LRTM1: variants seen among roughly 807,000 people sequenced by gnomAD.
The protein encoded by LRTM1 is leucine rich repeat transmembrane protein 1.
In LRTM1, 38 loss-of-function variants were observed where a neutral mutation model predicts 32.4. The observed-to-expected ratio is 1.17, with a 90% CI of 0.91 to 1.54. LRTM1 has a LOEUF of 1.54. LRTM1 is among the 40% of genes most tolerant of loss of function. The pLI, the probability that LRTM1 is intolerant of heterozygous loss-of-function variation, is 0.00. For missense variants in LRTM1, 466 were observed against 415.4 expected (o/e 1.12, Z -1.06); for synonymous variants, 186 against 169.9 (o/e 1.09, Z -0.74).
chr3:54,945,772 A>G (rs1701596932), intron 1 of LRTM1, among the ~76,000 whole-genome samples: 1 of 152,142 alleles, frequency 6.6e-6, no homozygotes, highest in Non-Finnish European at 1.5e-5. Context: ...GTCCTGGGCC[A>G]TTGTATGTTG....
Position 54,918,680 on chromosome 3 carries a change from G to A in LRTM1, c.817C>T (p.Leu273Phe), listed in dbSNP as rs970989074. Residue 273 changes from leucine (L) to phenylalanine (F), a missense_variant, in exon 3 of 3, where the codon CTC becomes TTC. Leu to Phe is a conservative substitution (Grantham distance 22, BLOSUM62 0). Transcript: ENST00000273286. ...AGERELLECELKPKPRPANLR... is the reference protein window; with the variant it reads ...AGERELLECEFKPKPRPANLR... ...TTGGCCGGCCTTGGCTTGGGTTTGA[G>A]CTCGCACTCCAAGAGTTCTCGCTCC... is the stretch of plus-strand genomic sequence containing the variant. 6.2e-7 allele frequency: 1 copy of A among 1,614,186 alleles called. No individual in the cohort carries two copies. Among genetic ancestry groups the A allele is most frequent in the Non-Finnish European group, 8.5e-7 (1 of 1,180,042 alleles).
At chr3:54,930,138 A>G (rs943753163), upstream of LRTM1, among the ~76,000 whole-genome samples, 7 of 152,310 alleles carry the variant, frequency 4.6e-5, no homozygotes, top group African/African-American at 1.7e-4. Flanking sequence ...TTTATTTACA[A>G]AAACAGGTAG....
intron 1 of LRTM1, among the ~76,000 whole-genome samples, chr3:54,954,353 T>C (rs1701829678): frequency 6.6e-6 from 1 of 152,216 alleles, no homozygotes; most frequent in South Asian, 2.1e-4. Context: ...GTCTCCTTTC[T>C]GGCAGTAGCA....
At chr3:54,947,539 G>A (rs1701646089) in intron 1 of LRTM1, among the ~76,000 whole-genome samples, 1 of 152,152 alleles carries the variant, frequency 6.6e-6, no homozygotes, top group African/African-American at 2.4e-5. Context: ...TGGGTTAGCA[G>A]CATATATCCA....
Position 54,922,468 on chromosome 3 carries a change from T to C in LRTM1, c.604+2151A>G, listed in dbSNP as rs540028113. Among the ~76,000 whole-genome samples, 7 of 152,290 alleles carry C rather than the reference T, an allele frequency of 4.6e-5. No individual in the cohort carries two copies. In the South Asian group the frequency reaches 1.2e-3, roughly 27 times the overall value. ...AAACAATTTTATTTGTAACCTCTTA[T>C]AAGGAAGATGTTGCCATAGTATGTG... On this transcript the variant is annotated intron_variant, in intron 2 of 2. Transcript: ENST00000273286.
At chr3:54,926,071 T>C (rs1482430439) in intron 1 of LRTM1, among the ~76,000 whole-genome samples, 5 of 152,224 alleles carry the variant, frequency 3.3e-5, no homozygotes, top group East Asian at 1.9e-4. Flanking sequence ...ACTTATGCAG[T>C]TGAACTTACT....
At chr3:54,950,610 A>G (rs1241109194) in intron 1 of LRTM1, among the ~76,000 whole-genome samples, 1 of 152,130 alleles carries the variant, frequency 6.6e-6, no homozygotes, top group African/African-American at 2.4e-5. Context: ...CCAACAGGAG[A>G]GTGGACCTGC....
At chr3:54,946,635 G>A (rs377353412) in intron 1 of LRTM1, among the ~76,000 whole-genome samples, 3 of 152,080 alleles carry the variant, frequency 2.0e-5, no homozygotes, top group Admixed American at 6.5e-5. Flanking sequence ...CAGGAGAGCC[G>A]TCCTTTCATG....
upstream of LRTM1, among the ~76,000 whole-genome samples, chr3:54,932,349 A>G (rs912738193): frequency 5.9e-5 from 9 of 152,166 alleles, no homozygotes; most frequent in Non-Finnish European, 1.3e-4. Context: ...AACCCTATAA[A>G]TACGCGTTGG....
intron 1 of LRTM1, among the ~76,000 whole-genome samples, chr3:54,963,005 A>G (rs1198337238): frequency 6.6e-6 from 1 of 152,220 alleles, no homozygotes; most frequent in African/African-American, 2.4e-5. Flanking sequence ...TTACACTTGA[A>G]TGCATGTCTA....
chr3:54,946,108 T>C lies in LRTM1; in HGVS notation c.-222+20820A>G, dbSNP rs535837539. Among the ~76,000 whole-genome samples the C allele has an allele frequency of 2.6e-5, 4 of 152,332 alleles. No individual in the cohort carries two copies. In the South Asian group the frequency reaches 8.3e-4, roughly 32 times the overall value. On this transcript the variant is annotated intron_variant, in intron 1 of 2. Coordinates refer to the LRTM1 transcript ENST00000493075. ...CTAAGGAAATAAAAAGCAGTATGCATTGATGTGCCTGTCCTGAAAGACTCT... is the reference window on the plus strand; with the variant it reads ...CTAAGGAAATAAAAAGCAGTATGCACTGATGTGCCTGTCCTGAAAGACTCT...
chr3:54,936,848 T>C (rs1701340829), intron 1 of LRTM1, among the ~76,000 whole-genome samples: 1 of 152,220 alleles, frequency 6.6e-6, no homozygotes, highest in Non-Finnish European at 1.5e-5. Context: ...AGCAAGCTCC[T>C]TCATGTGTTG....
At chr3:54,928,547 T>C (rs781150093), upstream of LRTM1, among the ~76,000 whole-genome samples, 2 of 152,180 alleles carry the variant, frequency 1.3e-5, no homozygotes, top group Non-Finnish European at 2.9e-5. Flanking sequence ...CGAAGTCTTA[T>C]TCAGCCAACA....
rs750562994 is a variant in LRTM1, at chr3:54,918,621, A to G, written c.876T>C (p.Thr292=). 1.2e-6 allele frequency: 2 copies of G among 1,614,140 alleles called. No homozygotes were observed. Among genetic ancestry groups the G allele is most frequent in the South Asian group, 2.2e-5 (2 of 91,072 alleles). The change falls in exon 3 of 3, where the codon ACT becomes ACC. Residue 292 remains threonine (T), a synonymous_variant. Transcript: ENST00000273286. Reference sequence around the variant, plus strand: ...GACACACAATCCCACACACAACGCCAGTGATGATGACAGTGGCAATGGCAT... The same window carrying G: ...GACACACAATCCCACACACAACGCCGGTGATGATGACAGTGGCAATGGCAT... ...LRHAIATVII[T]GVVCGIVCLM... is the part of the protein sequence containing the mutation.
At chr3:54,931,486 G>A (rs756968220), upstream of LRTM1, among the ~76,000 whole-genome samples, 1 of 152,136 alleles carries the variant, frequency 6.6e-6, no homozygotes, top group Non-Finnish European at 1.5e-5. Flanking sequence ...GCAGATCCAA[G>A]AGGTGGCAAG....
intron 1 of LRTM1, among the ~76,000 whole-genome samples, chr3:54,954,101 T>C (rs1701823728): frequency 6.6e-6 from 1 of 152,206 alleles, no homozygotes; most frequent in Admixed American, 6.5e-5. Context: ...TCCCAGGGTT[T>C]ACCTGAGGCC....
intron 1 of LRTM1, among the ~76,000 whole-genome samples, chr3:54,962,522 C>T (rs1051098219): frequency 9.9e-5 from 15 of 151,990 alleles, no homozygotes; most frequent in African/African-American, 3.6e-4. Context: ...ATTTTAATAC[C>T]CGTGATTTTA....
At chr3:54,961,760 T>G (rs567892988) in intron 1 of LRTM1, among the ~76,000 whole-genome samples, 124 of 152,322 alleles carry the variant, frequency 8.1e-4, no homozygotes, top group African/African-American at 2.8e-3. Flanking sequence ...TATGCATGAA[T>G]GATCACAATT....
rs149602514 is a variant in LRTM1, at chr3:54,927,356, G to A, written c.7+549C>T. Among the ~76,000 whole-genome samples, 1,365 of 152,262 alleles carry A rather than the reference G, an allele frequency of 9.0e-3. 10 individuals are homozygous for A. Among genetic ancestry groups the A allele is most frequent in the Non-Finnish European group, 0.014 (984 of 68,014 alleles). ...CTTCCCCTTTCCAGAATATCAAAGA[G>A]CAAAACCACTGTTTTCCTTTCTATA... is the stretch of plus-strand genomic sequence containing the variant. On this transcript the variant is annotated intron_variant, in intron 1 of 2. Coordinates refer to ENST00000273286, the MANE Select transcript of LRTM1 (RefSeq NM_020678.4).
Sources: allele counts gnomAD v4.1 joint callset (sites outside exome capture counted in the v4.1 genomes callset), GRCh38; gene constraint gnomAD v4.1.1; transcripts MANE v1.5; gene names NCBI Gene and HGNC (gene_info 2026-07-23, HGNC 2026-07-21).